MSH6: variants seen among roughly 807,000 people sequenced by gnomAD.
MSH6 encodes the protein DNA mismatch repair protein Msh6.
Under a neutral mutation model 119.1 loss-of-function variants are expected in MSH6, and 85 were observed. The ratio of observed to expected loss-of-function variants is 0.71; its 90% CI spans 0.60 to 0.85. The LOEUF is 0.85. Ranked by LOEUF, MSH6 falls within the 40% of genes least tolerant of loss-of-function variation. The pLI, the probability that MSH6 is intolerant of heterozygous loss-of-function variation, is 0.00. For synonymous variants in MSH6, 830 were observed against 586.9 expected, an observed-to-expected ratio of 1.41 and a Z score of -5.99; for missense variants, 2,163 against 1,655.3, an observed-to-expected ratio of 1.31 and a Z score of -5.32.
rs1669418611 is a variant in MSH6 at position 47,800,066 on chromosome 2, C to G, written c.2083C>G (p.Leu695Val). 1 of 1,614,094 alleles carries G rather than the reference C, an allele frequency of 6.2e-7. No individual in the cohort carries two copies. Among genetic ancestry groups the G allele is most frequent in the Non-Finnish European group, 8.5e-7 (1 of 1,180,018 alleles). The change falls in exon 4 of 10, where the codon CTT (leucine) becomes GTT (valine). Residue 695 changes from leucine to valine, a missense_variant. By Grantham distance (32) the Leu-to-Val change is conservative (BLOSUM62 1). Coordinates refer to ENST00000234420, the MANE Select transcript of MSH6 (RefSeq NM_000179.3). ...TTGTGTCTTCTACCTCAAAAAATGC[C>G]TTATTGATCAGGAGCTTTTATCAAT... is the stretch of plus-strand genomic sequence containing the variant. ...GGCVFYLKKC[L>V]IDQELLSMAN...
rs1337995746 is a variant in MSH6, at chr2:47,806,922, A to ATGATCTAAT, written c.*63_*71dup. 8.3e-7 allele frequency: 1 copy of ATGATCTAAT among 1,204,932 alleles called. No individual in the cohort carries two copies. The highest frequency in any genetic ancestry group is 2.3e-5 in the East Asian group (1 of 42,854). 74.6% of individuals were successfully genotyped at this position (1,204,932 alleles called of 1,614,324 possible). A position where few individuals can be genotyped will look rare whatever the true frequency, so the allele number is the denominator to read the frequency against. ...AAAGGTGGTAAATTCAGACAACATTATGATCTAATAAACTTTATTTTTTAA... is the reference window on the plus strand; with the variant it reads ...AAAGGTGGTAAATTCAGACAACATTATGATCTAATTGATCTAATAAACTTTATTTTTTAA... On this transcript the variant is annotated 3_prime_UTR_variant, in exon 10 of 10. Transcript: ENST00000234420.
rs1303026707 is a variant in MSH6 at position 47,799,895 on chromosome 2, C to A, written c.1912C>A (p.Leu638Ile). 3 of 1,613,986 alleles carry A rather than the reference C, an allele frequency of 1.9e-6. No homozygotes were observed. The African/African-American group carries it at 4.0e-5, about 22-fold the overall frequency. Residue 638 changes from leucine (L) to isoleucine (I), a missense_variant, in exon 4 of 10, where the codon CTT (leucine) becomes ATT (isoleucine). By Grantham distance (5) the Leu-to-Ile change is conservative (BLOSUM62 2). Transcript: ENST00000234420. ...TGCATCCAAAACTTTGAGAACTCTC[C>A]TTGAGGAAGAATATTTTAGGGAAAA... ...WDASKTLRTL[L>I]EEEYFREKLS...
In MSH6 at chr2:47,800,787, C is replaced by A. The variant is rs1553414162; in HGVS notation, c.2804C>A (p.Ser935Tyr). The A allele has an allele frequency of 6.2e-7, 1 of 1,614,118 alleles. No individual in the cohort carries two copies. Among genetic ancestry groups the A allele is most frequent in the Non-Finnish European group, 8.5e-7 (1 of 1,180,016 alleles). ...GLITPKAGFD[S>Y]DYDQALADIR... ...ATTACTCCCAAAGCAGGCTTTGACT[C>A]TGATTATGACCAAGCTCTTGCTGAC... The change falls in exon 4 of 10, where the codon TCT becomes TAT. Residue 935 changes from serine to tyrosine, a missense_variant. Coordinates refer to ENST00000234420, the MANE Select transcript of MSH6 (RefSeq NM_000179.3).
chr2:47,798,661 G>C lies in MSH6; in HGVS notation c.678G>C (p.Glu226Asp), dbSNP rs778236337. ...AGAGTGAAGAAGATAATGAAATTGAGAGTGAAGAGGAAGTACAGCCTAAGA... is the reference window on the plus strand; with the variant it reads ...AGAGTGAAGAAGATAATGAAATTGACAGTGAAGAGGAAGTACAGCCTAAGA... ...TDKSEEDNEI[E>D]SEEEVQPKTQ... Residue 226 changes from glutamate (E) to aspartate (D), a missense_variant, in exon 4 of 10, where the codon GAG (glutamate) becomes GAC (aspartate). Coordinates refer to ENST00000234420, the MANE Select transcript of MSH6 (RefSeq NM_000179.3). 2 of 1,613,504 alleles carry C rather than the reference G, an allele frequency of 1.2e-6. No individual in the cohort carries two copies. Among genetic ancestry groups the C allele is most frequent in the Non-Finnish European group, 1.7e-6 (2 of 1,180,012 alleles).
chr2:47,799,977 A>G lies in MSH6; in HGVS notation c.1994A>G (p.Glu665Gly), dbSNP rs786201952. The change falls in exon 4 of 10, where the codon GAG becomes GGG. Residue 665 changes from glutamate (E) to glycine (G), a missense_variant. Transcript: ENST00000234420. ...CAGGTGCTTAAAGGTATGACTTCAGAGTCTGATTCCATTGGGTTGACACCA... is the reference window on the plus strand; with the variant it reads ...CAGGTGCTTAAAGGTATGACTTCAGGGTCTGATTCCATTGGGTTGACACCA... Reference protein sequence around the residue: ...LPQVLKGMTSESDSIGLTPGE... With the variant: ...LPQVLKGMTSGSDSIGLTPGE... 1 of 1,614,098 alleles carries G rather than the reference A, an allele frequency of 6.2e-7. No individual in the cohort carries two copies. The highest frequency in any genetic ancestry group is 8.5e-7 in the Non-Finnish European group (1 of 1,180,022).
In MSH6 at chr2:47,804,952, C is replaced by G. The variant is rs751190199; in HGVS notation, c.3481C>G (p.Pro1161Ala). 1.9e-6 allele frequency: 3 copies of G among 1,614,120 alleles called. 1 individual carries two copies. The South Asian group carries it at 3.3e-5, about 18-fold the overall frequency. ...AVMAQMGCYVPAEVCRLTPID... is the reference protein window; with the variant it reads ...AVMAQMGCYVAAEVCRLTPID... ...AATGGCCCAGATGGGTTGTTACGTC[C>G]CTGCTGAAGTGTGCAGGCTCACACC... Residue 1161 changes from proline to alanine, a missense_variant, in exon 6 of 10, where the codon CCT becomes GCT. Pro to Ala is a conservative substitution (Grantham distance 27, BLOSUM62 -1). Transcript: ENST00000234420.
At chr2:47,801,360 A>ATTTTT (rs1220786181) in intron 4 of MSH6, 283 of 58,002 alleles carry the variant, frequency 4.9e-3, no homozygotes, top group East Asian at 9.9e-3. Flanking sequence ...GCCTTTCTTC[A>ATTTTT]GTTTTTTTTT....
chr2:47,797,075 A>C (rs1198902526), intron 3 of MSH6, among the ~76,000 whole-genome samples: 1 of 152,202 alleles, frequency 6.6e-6, no homozygotes. Context: ...TCAGCCCAAC[A>C]CAAATTTGTA....
At position 47,799,347 on chromosome 2, in the gene MSH6, A is replaced by T. The variant is rs200938360; in HGVS notation, c.1364A>T (p.Asn455Ile). 1.2e-6 allele frequency: 2 copies of T among 1,614,028 alleles called. No individual in the cohort carries two copies. Among genetic ancestry groups the T allele is most frequent in the Non-Finnish European group, 1.7e-6 (2 of 1,180,026 alleles). ...CTGGGGCTGGTATTCATGAAAGGCA[A>T]CTGGGCCCATTCTGGCTTTCCTGAA... ...SELGLVFMKGNWAHSGFPEIA... is the reference protein window; with the variant it reads ...SELGLVFMKGIWAHSGFPEIA... The change falls in exon 4 of 10, where the codon AAC becomes ATC. Residue 455 changes from asparagine to isoleucine, a missense_variant. By Grantham distance (149) the Asn-to-Ile change is moderately radical. Transcript: ENST00000234420.
intron 1 of MSH6, among the ~76,000 whole-genome samples, chr2:47,788,868 G>A (rs1213299957): frequency 5.0e-5 from 7 of 141,232 alleles, no homozygotes; most frequent in Admixed American, 2.1e-4. Context: ...CACTGCGCCC[G>A]GCCCAGCATA....
intron 6 of MSH6, among the ~76,000 whole-genome samples, chr2:47,805,304 C>A (rs964063169): frequency 6.6e-6 from 1 of 151,900 alleles, no homozygotes; most frequent in African/African-American, 2.4e-5. Context: ...CTCAGCCTCT[C>A]GAGTAGCTGG....
rs748098747 is a variant in MSH6, at chr2:47,801,173, C to A, written c.3172+18C>A. ...AGTGTTGGGTAAGACTTTGAACAAGCTTGTTCTCAGGCTTTGATAAGTAGT... is the reference window on the plus strand; with the variant it reads ...AGTGTTGGGTAAGACTTTGAACAAGATTGTTCTCAGGCTTTGATAAGTAGT... On this transcript the variant is annotated intron_variant, in intron 4 of 9. Coordinates refer to ENST00000234420, the MANE Select transcript of MSH6 (RefSeq NM_000179.3). 1.2e-6 allele frequency: 2 copies of A among 1,606,442 alleles called. 1 individual carries two copies. Among genetic ancestry groups the A allele is most frequent in the South Asian group, 2.2e-5 (2 of 91,062 alleles).
At position 47,798,598 on chromosome 2, in the gene MSH6, C is replaced by G. The variant is rs538280815; in HGVS notation, c.628-13C>G. Reference sequence around the variant, plus strand: ...TTTGATTTGTTTTTAAATACTCTTTCCTTGCCTGGCAGGTAGGCACAACTT... The same window carrying G: ...TTTGATTTGTTTTTAAATACTCTTTGCTTGCCTGGCAGGTAGGCACAACTT... On this transcript the variant is annotated splice_polypyrimidine_tract_variant and intron_variant, in intron 3 of 9. Transcript: ENST00000234420. 3.9e-5 allele frequency: 63 copies of G among 1,607,316 alleles called. No homozygotes were observed. In the South Asian group the frequency reaches 6.0e-4, roughly 15 times the overall value.
rs746352186 is a variant in MSH6 at position 47,799,936 on chromosome 2, T to G, written c.1953T>G (p.Ile651Met). Residue 651 changes from isoleucine to methionine, a missense_variant, in exon 4 of 10, where the codon ATT becomes ATG. Ile to Met is a conservative substitution (Grantham distance 10). Transcript: ENST00000234420. Reference sequence around the variant, plus strand: ...TTAGGGAAAAGCTAAGTGATGGCATTGGGGTGATGTTACCCCAGGTGCTTA... The same window carrying G: ...TTAGGGAAAAGCTAAGTGATGGCATGGGGGTGATGTTACCCCAGGTGCTTA... ...EYFREKLSDG[I>M]GVMLPQVLKG... 2 of 1,614,196 alleles carry G rather than the reference T, an allele frequency of 1.2e-6. No homozygotes were observed. Among genetic ancestry groups the G allele is most frequent in the South Asian group, 2.2e-5 (2 of 91,084 alleles).
intron 1 of MSH6, chr2:47,784,341 T>C: frequency 1.3e-6 from 1 of 755,932 alleles, no homozygotes; most frequent in Non-Finnish European, 1.6e-6. Flanking sequence ...TAGTGTAATT[T>C]TTATGGGGCA....
chr2:47,783,201 C>T lies in MSH6; in HGVS notation c.-33C>T, dbSNP rs1306282819. 6 of 1,609,732 alleles carry T rather than the reference C, an allele frequency of 3.7e-6. No homozygotes were observed. The highest frequency in any genetic ancestry group is 2.2e-5 in the South Asian group (2 of 90,592). ...ATGCGGTGCTTTTAGGAGCTCCGTC[C>T]GACAGAACGGTTGGGCCTTGCCGGC... is the stretch of plus-strand genomic sequence containing the variant. On this transcript the variant is annotated 5_prime_UTR_variant, in exon 1 of 10. Coordinates refer to ENST00000234420, the MANE Select transcript of MSH6 (RefSeq NM_000179.3).
In MSH6 at chr2:47,800,947, C is replaced by T. The variant is rs144288981; in HGVS notation, c.2964C>T (p.Arg988=). ...AAATTCCTGAGAATTTCACCACTCG[C>T]AATTTGCCAGAAGAATACGAGTTGA... ...QLEIPENFTT[R]NLPEEYELKS... The change falls in exon 4 of 10, where the codon CGC becomes CGT. Residue 988 remains arginine (R), a synonymous_variant. Transcript: ENST00000234420. The T allele has an allele frequency of 1.9e-6, 3 of 1,571,930 alleles. No homozygotes were observed. Among genetic ancestry groups the T allele is most frequent in the African/African-American group, 1.4e-5 (1 of 73,170 alleles).
At chr2:47,790,527 TATA>T (rs976922879) in intron 1 of MSH6, among the ~76,000 whole-genome samples, 5 of 152,236 alleles carry the variant, frequency 3.3e-5, no homozygotes, top group African/African-American at 4.8e-5. Flanking sequence ...CAGTATGCTT[TATA>T]ATAATATTGT....
Position 47,800,177 on chromosome 2 carries a change from C to A in MSH6, c.2194C>A (p.Arg732=), listed in dbSNP as rs63751127. 1.2e-6 allele frequency: 2 copies of A among 1,614,130 alleles called. No homozygotes were observed. Among genetic ancestry groups the A allele is most frequent in the Non-Finnish European group, 1.7e-6 (2 of 1,180,028 alleles). The change falls in exon 4 of 10, where the codon CGA becomes AGA. Residue 732 remains arginine (R), a synonymous_variant. Transcript: ENST00000234420. ...SGAIFTKAYQ[R]MVLDAVTLNN... is the part of the protein sequence containing the mutation. ...TGCTATCTTCACCAAAGCCTATCAACGAATGGTGCTAGATGCAGTGACATT... is the reference window on the plus strand; with the variant it reads ...TGCTATCTTCACCAAAGCCTATCAAAGAATGGTGCTAGATGCAGTGACATT...
Sources: allele counts gnomAD v4.1 joint callset (sites outside exome capture counted in the v4.1 genomes callset), GRCh38; gene constraint gnomAD v4.1.1; transcripts MANE v1.5; gene names NCBI Gene and HGNC (gene_info 2026-07-23, HGNC 2026-07-21).